ARID5B: variants seen among roughly 807,000 people sequenced by gnomAD.
The protein encoded by ARID5B is AT-rich interactive domain-containing protein 5B.
ARID5B carries 13 observed loss-of-function variants against 97.2 expected under a neutral mutation model. The ratio of observed to expected loss-of-function variants is 0.13; its 90% confidence interval spans 0.09 to 0.21. ARID5B has a LOEUF of 0.21. ARID5B is among the 10% of genes least tolerant of loss of function. ARID5B has a pLI of 1.00. For synonymous variants in ARID5B, 556 were observed against 570.3 expected, an observed-to-expected ratio of 0.97 and a Z score of 0.36; for missense variants, 1,210 against 1,465.3, an observed-to-expected ratio of 0.83 and a Z score of 2.84.
chr10:62,045,144 C>G (rs1839689793), intron 4 of ARID5B, among the ~76,000 whole-genome samples: 1 of 152,158 alleles, frequency 6.6e-6, no homozygotes, highest in Non-Finnish European at 1.5e-5. Context: ...TTTTGTTCCC[C>G]CACATATTTG....
chr10:61,929,022 C>T (rs1844158618), intron 2 of ARID5B, among the ~76,000 whole-genome samples: 1 of 152,150 alleles, frequency 6.6e-6, no homozygotes, highest in Non-Finnish European at 1.5e-5. Flanking sequence ...CATTGGTGCA[C>T]ACCAGAGGCA....
At chr10:61,988,576 A>G (rs766225262) in intron 3 of ARID5B, among the ~76,000 whole-genome samples, 1 of 152,226 alleles carries the variant, frequency 6.6e-6, no homozygotes, top group Non-Finnish European at 1.5e-5. Flanking sequence ...GAACAATGAA[A>G]TAACAGGCAC....
intron 2 of ARID5B, among the ~76,000 whole-genome samples, chr10:61,905,915 A>G (rs1843699758): frequency 1.3e-5 from 2 of 152,232 alleles, no homozygotes; most frequent in African/African-American, 4.8e-5. Flanking sequence ...ATGCTTATAT[A>G]CACCAATGCC....
chr10:61,999,417 G>A lies in ARID5B; in HGVS notation c.503-674G>A, dbSNP rs1839045929. ...TTCCTAGCCTACCTTAAACGGGCTTGTAACATTTGCCATAGCCTACAGTTG... is the reference window on the plus strand; with the variant it reads ...TTCCTAGCCTACCTTAAACGGGCTTATAACATTTGCCATAGCCTACAGTTG... On this transcript the variant is annotated intron_variant, in intron 3 of 9. Transcript: ENST00000279873. 3.9e-5 allele frequency among the ~76,000 whole-genome samples: 6 copies of A among 152,202 alleles called. No homozygotes were observed. In the South Asian group the frequency reaches 8.3e-4, roughly 21 times the overall value.
Position 62,093,190 on chromosome 10 carries a change from T to A in ARID5B, c.*160T>A, listed in dbSNP as rs1840412099. 2.7e-6 allele frequency: 3 copies of A among 1,126,930 alleles called. No homozygotes were observed. In the South Asian group the frequency reaches 5.1e-5, roughly 19 times the overall value. The allele number at this position is 1,126,930 out of a possible 1,614,324, so 69.8% of individuals were successfully genotyped here. A position where few individuals can be genotyped will look rare whatever the true frequency, so the allele number is the denominator to read the frequency against. On this transcript the variant is annotated 3_prime_UTR_variant, in exon 10 of 10. Coordinates refer to ENST00000279873, the MANE Select transcript of ARID5B (RefSeq NM_032199.3). ...CCAGAGGGGAGGTGAACATGCCTGA[T>A]TTTTGTGGGACAACTCTAGCCCACA...
chr10:62,076,564 A>AAAAAAAAAAAC (rs1248868003), intron 8 of ARID5B, among the ~76,000 whole-genome samples: 1 of 150,402 alleles, frequency 6.6e-6, no homozygotes, highest in African/African-American at 2.4e-5. Context: ...TCTGTCTCAA[A>AAAAAAAAAAAC]AAAAAAAAAA....
chr10:62,022,203 C>T (rs906932516), intron 4 of ARID5B, among the ~76,000 whole-genome samples: 4 of 152,178 alleles, frequency 2.6e-5, no homozygotes, highest in Non-Finnish European at 4.4e-5. Context: ...GATTGCAAAA[C>T]CCATGTGAGC....
At chr10:61,958,772 T>C (rs1838429108) in intron 3 of ARID5B, among the ~76,000 whole-genome samples, 1 of 152,238 alleles carries the variant, frequency 6.6e-6, no homozygotes, top group Non-Finnish European at 1.5e-5. Context: ...GACCTTTTTG[T>C]TGTCTCCGAT....
rs765711052 is a variant in ARID5B at position 61,902,292 on chromosome 10, T to A, written c.155T>A (p.Ile52Asn). 1 of 1,614,190 alleles carries A rather than the reference T, an allele frequency of 6.2e-7. No individual in the cohort carries two copies. ...FFVRCTPKDP[I>N]CIAELQLLWE... is the part of the protein sequence containing the mutation. ...GTAAGATGTACGCCAAAGGATCCGA[T>A]TTGCATAGCGGAGCTCCAGCTGTTG... Residue 52 changes from isoleucine (I) to asparagine (N), a missense_variant, in exon 2 of 10, where the codon ATT becomes AAT. By Grantham distance (149) the Ile-to-Asn change is moderately radical. This residue lies in a region of ARID5B where 80 missense variants were observed against 133.2 expected (regional missense o/e 0.60). Transcript: ENST00000279873.
At chr10:62,021,981 G>A (rs749329573) in intron 4 of ARID5B, among the ~76,000 whole-genome samples, 16 of 152,174 alleles carry the variant, frequency 1.1e-4, no homozygotes, top group Non-Finnish European at 1.5e-4. Flanking sequence ...ATGTAATACC[G>A]AATATCACAT....
In ARID5B at chr10:61,914,768, C is replaced by A. The variant is rs192238093; in HGVS notation, c.276+12355C>A. Among the ~76,000 whole-genome samples, 239 of 152,244 alleles carry A rather than the reference C, an allele frequency of 1.6e-3. 4 individuals carry two copies. Among genetic ancestry groups the A allele is most frequent in the Admixed American group, 0.013 (195 of 15,282 alleles). ...TATAAATAAAATATCTCATTTAATTCTCATGGATACTCTATTATGTCCGTA... is the reference window on the plus strand; with the variant it reads ...TATAAATAAAATATCTCATTTAATTATCATGGATACTCTATTATGTCCGTA... On this transcript the variant is annotated intron_variant, in intron 2 of 9. Coordinates refer to ENST00000279873, the MANE Select transcript of ARID5B (RefSeq NM_032199.3).
At chr10:62,069,883 A>G (rs1840040101) in intron 8 of ARID5B, 86 bp downstream of exon 8, 2 of 1,362,062 alleles carry the variant, frequency 1.5e-6, no homozygotes, top group Admixed American at 2.3e-5. Flanking sequence ...GAGGAAGTCT[A>G]AATGACCTTT....
chr10:62,024,682 T>C, intron 4 of ARID5B: 1 of 396,630 alleles, frequency 2.5e-6, no homozygotes, highest in Non-Finnish European at 4.5e-6. Flanking sequence ...GGAGGCAGAT[T>C]AACTTCCCAT....
At chr10:62,036,116 C>T (rs929119487) in intron 4 of ARID5B, among the ~76,000 whole-genome samples, 1 of 152,130 alleles carries the variant, frequency 6.6e-6, no homozygotes, top group African/African-American at 2.4e-5. Context: ...CGAGCCACTG[C>T]ACCTGGCCAA....
chr10:61,903,197 AG>A (rs1208714895), intron 2 of ARID5B, among the ~76,000 whole-genome samples: 1 of 151,502 alleles, frequency 6.6e-6, no homozygotes, highest in African/African-American at 2.4e-5. Flanking sequence ...GGGAGGGCAG[AG>A]GGGTGTGTGC....
intron 3 of ARID5B, among the ~76,000 whole-genome samples, chr10:61,955,643 C>CT (rs761498955): frequency 6.6e-6 from 1 of 151,988 alleles, no homozygotes; most frequent in Non-Finnish European, 1.5e-5. Context: ...TTGCAGAAAT[C>CT]TTTTTTTGTT....
chr10:62,016,678 A>T (rs1228387222), intron 4 of ARID5B, among the ~76,000 whole-genome samples: 1 of 152,236 alleles, frequency 6.6e-6, no homozygotes, highest in Non-Finnish European at 1.5e-5. Context: ...GAATTAGAAA[A>T]GCACTGGCTT....
At chr10:62,088,825 A>G (rs945530737) in intron 9 of ARID5B, among the ~76,000 whole-genome samples, 83 of 152,198 alleles carry the variant, frequency 5.5e-4, no homozygotes, top group African/African-American at 1.9e-3. Context: ...TGGAGATACA[A>G]AGGGTGAGAA....
chr10:62,086,854 G>A (rs939175230), intron 9 of ARID5B, among the ~76,000 whole-genome samples: 4 of 139,424 alleles, frequency 2.9e-5, no homozygotes, highest in Non-Finnish European at 4.7e-5. Context: ...GAGTGAAGCC[G>A]TGTCTCAAAA....
Sources: gnomAD v4.1 joint callset for allele counts (sites outside exome capture counted in the v4.1 genomes callset) on GRCh38, gnomAD v4.1.1 for gene constraint, gnomAD v4.1.1 regional missense constraint, MANE v1.5 for transcripts, NCBI Gene and HGNC (gene_info 2026-07-23, HGNC 2026-07-21) for gene names.